Variants in HIPK2 observed in about 807,000 individuals in gnomAD.
HIPK2 encodes homeodomain interacting protein kinase 2.
In HIPK2, 27 loss-of-function variants were observed where a neutral mutation model predicts 113.7. The observed-to-expected ratio is 0.24, with a 90% CI of 0.17 to 0.33. The LOEUF (loss-of-function observed/expected upper bound fraction) is 0.33. Among genes scored for constraint, HIPK2 ranks in the 10% least tolerant of loss-of-function variants. The pLI is 1.00. For missense variants in HIPK2, 1,257 were observed against 1,588.0 expected (o/e 0.79, Z 3.54); for synonymous variants, 631 against 642.2 (o/e 0.98, Z 0.26).
In HIPK2 at chr7:139,665,384, C is replaced by T. The variant is rs141699661; in HGVS notation, c.1104-33659G>A. On this transcript the variant is annotated intron_variant, in intron 2 of 14. Transcript: ENST00000406875. Reference sequence around the variant, plus strand: ...TATTCATCTACATTAGGGATCCCAACCCTTCTTCTTTTTTATCTCACATTC... The same window carrying T: ...TATTCATCTACATTAGGGATCCCAATCCTTCTTCTTTTTTATCTCACATTC... Among the ~76,000 whole-genome samples, 211 of 152,290 alleles carry T rather than the reference C, an allele frequency of 1.4e-3. 1 individual carries two copies. The highest frequency in any genetic ancestry group is 3.3e-3 in the South Asian group (16 of 4,822).
intron 2 of HIPK2, among the ~76,000 whole-genome samples, chr7:139,653,351 T>G (rs759718531): frequency 6.6e-6 from 1 of 151,608 alleles, no homozygotes; most frequent in Non-Finnish European, 1.5e-5. Context: ...AAAGAGACAT[T>G]TGTCTGTAAA....
chr7:139,772,943 TAA>T (rs59311002), intron 1 of HIPK2, among the ~76,000 whole-genome samples: 12 of 142,788 alleles, frequency 8.4e-5, no homozygotes, highest in Admixed American at 1.4e-4. Flanking sequence ...GAACTGCCAC[TAA>T]AAAAAAAAAG....
rs1795265495 is a variant in HIPK2, at chr7:139,716,972, T to G, written c.63A>C (p.Gln21His). 1 of 1,613,674 alleles carries G rather than the reference T, an allele frequency of 6.2e-7. No homozygotes were observed. Among genetic ancestry groups the G allele is most frequent in the Non-Finnish European group, 8.5e-7 (1 of 1,179,730 alleles). ...HVQVFSPHTL[Q>H]SSAFCSVKKL... is the part of the protein sequence containing the mutation. ...TCTTCACACTACAGAAGGCACTTGA[T>G]TGAAGGGTGTGAGGGGAGAAAACTT... Residue 21 changes from glutamine (Q) to histidine (H), a missense_variant, in exon 2 of 15, where the codon CAA becomes CAC. Coordinates refer to ENST00000406875, the MANE Select transcript of HIPK2 (RefSeq NM_022740.5). The surrounding 1 kb of genome is among the most constrained non-coding windows in gnomAD (Gnocchi z 9.3).
chr7:139,774,665 A>G (rs1334918249), intron 1 of HIPK2, among the ~76,000 whole-genome samples: 1 of 152,198 alleles, frequency 6.6e-6, no homozygotes, highest in Non-Finnish European at 1.5e-5. Context: ...TAATCAACAC[A>G]GCATATCTCA....
intron 13 of HIPK2, among the ~76,000 whole-genome samples, chr7:139,577,174 G>A (rs182368763): frequency 1.1e-3 from 147 of 129,278 alleles, no homozygotes; most frequent in African/African-American, 4.2e-3. Context: ...TTGAGATGGA[G>A]TTTCACTCTT....
chr7:139,700,053 G>C (rs1794665064), intron 2 of HIPK2, among the ~76,000 whole-genome samples: 1 of 152,184 alleles, frequency 6.6e-6, no homozygotes, highest in South Asian at 2.1e-4. Context: ...CCAAGCATGA[G>C]GTTCCCAATG....
chr7:139,664,965 C>A (rs1302645109), intron 2 of HIPK2, among the ~76,000 whole-genome samples: 1 of 152,130 alleles, frequency 6.6e-6, no homozygotes, highest in Non-Finnish European at 1.5e-5. Context: ...TCTCTAACAC[C>A]ACCATAACAA....
At position 139,614,330 on chromosome 7, in the gene HIPK2, T is replaced by C; in HGVS notation, c.1946A>G (p.Asp649Gly). ...CACGATGAGAGCTTGCTGGAACGGG[T>C]CAGGCCGGGCACAAATCTGGGCTGT... Reference protein sequence around the residue: ...TGTAQICARPDPFQQALIVCP... With the variant: ...TGTAQICARPGPFQQALIVCP... Residue 649 changes from aspartate to glycine, a missense_variant, in exon 8 of 15, where the codon GAC becomes GGC. Asp to Gly is a moderately conservative substitution (Grantham distance 94, BLOSUM62 -1). This residue lies in a region of HIPK2 where 862 missense variants were observed against 1,004.3 expected (regional missense o/e 0.86). Coordinates refer to ENST00000406875, the MANE Select transcript of HIPK2 (RefSeq NM_022740.5). 1.3e-6 allele frequency: 2 copies of C among 1,567,360 alleles called. No homozygotes were observed. The highest frequency in any genetic ancestry group is 1.8e-5 in the Admixed American group (1 of 56,606).
At chr7:139,664,253 G>A (rs1201426942) in intron 2 of HIPK2, among the ~76,000 whole-genome samples, 2 of 152,164 alleles carry the variant, frequency 1.3e-5, no homozygotes, top group Non-Finnish European at 1.5e-5. Flanking sequence ...AGTAGCTTGA[G>A]GGGTTGGGTA....
At chr7:139,712,586 A>T (rs903046409) in intron 2 of HIPK2, among the ~76,000 whole-genome samples, 2 of 152,388 alleles carry the variant, frequency 1.3e-5, no homozygotes, top group African/African-American at 4.8e-5. Context: ...CCTCCAGCCC[A>T]GGCGGCTCAA....
At chr7:139,739,257 A>AG (rs1796030616) in intron 1 of HIPK2, among the ~76,000 whole-genome samples, 1 of 151,962 alleles carries the variant, frequency 6.6e-6, no homozygotes, top group African/African-American at 2.4e-5. Context: ...CTTTATGGAC[A>AG]TAACAACTCA....
intron 13 of HIPK2, among the ~76,000 whole-genome samples, chr7:139,579,198 T>C (rs2116510208): frequency 6.6e-6 from 1 of 152,170 alleles, no homozygotes; most frequent in Admixed American, 6.5e-5. Context: ...GTGCCCAAAG[T>C]AGGGGTGTTC....
chr7:139,769,782 CT>C (rs1401150020), intron 1 of HIPK2, among the ~76,000 whole-genome samples: 2 of 152,212 alleles, frequency 1.3e-5, no homozygotes, highest in Non-Finnish European at 2.9e-5. Flanking sequence ...GAGTACATCA[CT>C]GTAACAAGCA....
At chr7:139,740,710 A>C (rs1252471638) in intron 1 of HIPK2, among the ~76,000 whole-genome samples, 2 of 152,242 alleles carry the variant, frequency 1.3e-5, no homozygotes, top group Non-Finnish European at 2.9e-5. Flanking sequence ...ACTGGTGCAC[A>C]CATGGGCTGA....
intron 12 of HIPK2, among the ~76,000 whole-genome samples, chr7:139,585,676 C>T (rs956343228): frequency 3.3e-5 from 5 of 152,298 alleles, no homozygotes; most frequent in African/African-American, 1.2e-4. Context: ...TGAGAAAATA[C>T]AAGTGCTTTC....
chr7:139,740,390 C>T (rs981100277), intron 1 of HIPK2, among the ~76,000 whole-genome samples: 3 of 152,232 alleles, frequency 2.0e-5, no homozygotes, highest in Non-Finnish European at 4.4e-5. Context: ...TGCATGCTTG[C>T]TTGCCAGATG....
chr7:139,668,757 G>T (rs768322347), intron 2 of HIPK2, among the ~76,000 whole-genome samples: 1 of 152,114 alleles, frequency 6.6e-6, no homozygotes, highest in Non-Finnish European at 1.5e-5. Flanking sequence ...CAAAATTTCT[G>T]GGTCTGACTG....
At position 139,646,609 on chromosome 7, in the gene HIPK2, T is replaced by G. The variant is rs112878733; in HGVS notation, c.1104-14884A>C. Among the ~76,000 whole-genome samples the G allele has an allele frequency of 2.6e-5, 4 of 152,292 alleles. 1 individual carries two copies. Among genetic ancestry groups the G allele is most frequent in the African/African-American group, 9.6e-5 (4 of 41,552 alleles). Reference sequence around the variant, plus strand: ...TTCTTATCCTAACAATGGGGCCTCTTTGTAGTCCAAGAACAGGGACTCTCC... The same window carrying G: ...TTCTTATCCTAACAATGGGGCCTCTGTGTAGTCCAAGAACAGGGACTCTCC... On this transcript the variant is annotated intron_variant, in intron 2 of 14. Transcript: ENST00000406875.
At chr7:139,621,675 C>T (rs1011405324) in intron 6 of HIPK2, among the ~76,000 whole-genome samples, 6 of 152,070 alleles carry the variant, frequency 3.9e-5, no homozygotes, top group Non-Finnish European at 8.8e-5. Flanking sequence ...ACGCCTTAAT[C>T]CCAGCACTTT....
Sources: allele counts gnomAD v4.1 joint callset (sites outside exome capture counted in the v4.1 genomes callset), GRCh38; gene constraint gnomAD v4.1.1; regional missense constraint gnomAD v4.1.1; non-coding constraint Gnocchi (gnomAD v3.1); transcripts MANE v1.5; gene names NCBI Gene and HGNC (gene_info 2026-07-23, HGNC 2026-07-21).